ADAM10: variants seen among roughly 807,000 people sequenced by gnomAD.
The protein encoded by ADAM10 is ADAM metallopeptidase domain 10, also known as disintegrin and metalloproteinase domain-containing protein 10.
A neutral mutation model predicts 90.1 loss-of-function variants in ADAM10; 17 were observed. The ratio of observed to expected loss-of-function variants is 0.19; its 90% CI spans 0.13 to 0.28. The LOEUF is 0.28. Ranked by LOEUF, ADAM10 falls within the 10% of genes least tolerant of loss-of-function variation. The pLI is 1.00. For synonymous variants in ADAM10, 310 were observed against 298.6 expected, an observed-to-expected ratio of 1.04 and a Z score of -0.40; for missense variants, 610 against 914.3, an observed-to-expected ratio of 0.67 and a Z score of 4.29.
intron 2 of ADAM10, chr15:58,691,432 C>A: frequency 1.5e-6 from 1 of 670,460 alleles, no homozygotes. Context: ...TCTTTGCACT[C>A]ACCAATGATG....
intron 4 of ADAM10, among the ~76,000 whole-genome samples, chr15:58,677,512 CAAGA>C (rs1897324382): frequency 6.6e-6 from 1 of 151,396 alleles, no homozygotes; most frequent in Admixed American, 6.6e-5. Flanking sequence ...AATTATATTA[CAAGA>C]AAGAAAGAAA....
chr15:58,741,853 T>C (rs868317043), intron 1 of ADAM10, among the ~76,000 whole-genome samples: 4 of 152,324 alleles, frequency 2.6e-5, no homozygotes, highest in Admixed American at 6.5e-5. Flanking sequence ...CTCATAGTTA[T>C]CATGGCCTAG....
At chr15:58,616,341 T>C (rs1398103197) in intron 11 of ADAM10, among the ~76,000 whole-genome samples, 4 of 152,192 alleles carry the variant, frequency 2.6e-5, no homozygotes, top group African/African-American at 7.2e-5. Flanking sequence ...TTCTTTTCAT[T>C]AGCACATGAA....
At chr15:58,742,316 C>T (rs1414145629) in intron 1 of ADAM10, among the ~76,000 whole-genome samples, 2 of 152,124 alleles carry the variant, frequency 1.3e-5, no homozygotes, top group African/African-American at 4.8e-5. Flanking sequence ...GACATAACCC[C>T]ACATTAAGTG....
chr15:58,641,946 A>ATTCTGC (rs1273009615), intron 7 of ADAM10, among the ~76,000 whole-genome samples: 20 of 152,200 alleles, frequency 1.3e-4, no homozygotes. Context: ...AGGCAAAAAC[A>ATTCTGC]CCATTGAGGG....
chr15:58,615,939 C>T (rs1335803264), intron 11 of ADAM10, among the ~76,000 whole-genome samples: 1 of 151,800 alleles, frequency 6.6e-6, no homozygotes, highest in African/African-American at 2.4e-5. Context: ...ACCCGGGAGG[C>T]GCAGGTTGCA....
At chr15:58,649,610 A>C (rs1399942628) in intron 5 of ADAM10, among the ~76,000 whole-genome samples, 1 of 152,206 alleles carries the variant, frequency 6.6e-6, no homozygotes, top group Non-Finnish European at 1.5e-5. Flanking sequence ...GTTTCAGCAT[A>C]TCCTACTGTC....
At chr15:58,652,443 T>C (rs574461257) in intron 5 of ADAM10, among the ~76,000 whole-genome samples, 1 of 152,332 alleles carries the variant, frequency 6.6e-6, no homozygotes, top group East Asian at 1.9e-4. Flanking sequence ...AGGTCTAGTT[T>C]CATTCCTCTG....
chr15:58,739,738 T>C lies in ADAM10; in HGVS notation c.55+9742A>G, dbSNP rs536004884. ...GGGTTCTGATAATATGCTGTACTAA[T>C]TGGAGGAGGTCACTTTCTAATTTTA... is the stretch of plus-strand genomic sequence containing the variant. On this transcript the variant is annotated intron_variant, in intron 1 of 15. Transcript: ENST00000260408. Among the ~76,000 whole-genome samples, 156 of 152,320 alleles carry C rather than the reference T, an allele frequency of 1.0e-3. 1 individual carries two copies. Among genetic ancestry groups the C allele is most frequent in the South Asian group, 2.9e-3 (14 of 4,824 alleles).
At chr15:58,608,891 C>T (rs1207598436) in intron 14 of ADAM10, among the ~76,000 whole-genome samples, 1 of 152,060 alleles carries the variant, frequency 6.6e-6, no homozygotes, top group Non-Finnish European at 1.5e-5. Context: ...TCTAAAATAT[C>T]TAGCACAATA....
chr15:58,726,624 G>C (rs1202513463), intron 1 of ADAM10, among the ~76,000 whole-genome samples: 1 of 135,902 alleles, frequency 7.4e-6, no homozygotes. Context: ...CAAGAAAAGA[G>C]GGGGACAAGA....
At chr15:58,665,008 GA>G (rs1166087576) in intron 5 of ADAM10, 88 bp downstream of exon 5, 1 of 1,087,370 alleles carries the variant, frequency 9.2e-7, no homozygotes, top group African/African-American at 1.6e-5. Flanking sequence ...AAGTCTTTCA[GA>G]AATCCTAGAA....
chr15:58,623,399 C>T (rs542092607), intron 10 of ADAM10, among the ~76,000 whole-genome samples: 1 of 152,184 alleles, frequency 6.6e-6, no homozygotes, highest in Non-Finnish European at 1.5e-5. Flanking sequence ...CAGAGCCAGA[C>T]TGGCCTAGAT....
At chr15:58,745,253 A>C (rs1343738743) in intron 1 of ADAM10, among the ~76,000 whole-genome samples, 1 of 152,232 alleles carries the variant, frequency 6.6e-6, no homozygotes, top group Non-Finnish European at 1.5e-5. Context: ...CTGATCTGCC[A>C]ACAATGTTAG....
At chr15:58,713,138 T>C (rs1898530636) in intron 2 of ADAM10, among the ~76,000 whole-genome samples, 1 of 152,188 alleles carries the variant, frequency 6.6e-6, no homozygotes, top group African/African-American at 2.4e-5. Flanking sequence ...CTCACTCTTG[T>C]CGCCCAAGCT....
At chr15:58,741,176 C>G (rs1170806618) in intron 1 of ADAM10, among the ~76,000 whole-genome samples, 1 of 152,186 alleles carries the variant, frequency 6.6e-6, no homozygotes, top group African/African-American at 2.4e-5. Flanking sequence ...TAAGCAAATT[C>G]TGCTCCACAA....
rs540230480 is a variant in ADAM10, at chr15:58,691,357, T to C, written c.207-9043A>G. On this transcript the variant is annotated intron_variant, in intron 2 of 15. Coordinates refer to ENST00000260408, the MANE Select transcript of ADAM10 (RefSeq NM_001110.4). ...ACACAGTACTCATCAATGGGCTCAC[T>C]CATATATATTACCTCGAAGCCCTTC... is the stretch of plus-strand genomic sequence containing the variant. The C allele has an allele frequency of 1.7e-5, 16 of 963,240 alleles. No homozygotes were observed. In the East Asian group the frequency reaches 3.4e-4, roughly 20 times the overall value. The allele number at this position is 963,240 out of a possible 1,614,324, so 59.7% of individuals were successfully genotyped here. A position where few individuals can be genotyped will look rare whatever the true frequency, so the allele number is the denominator to read the frequency against.
chr15:58,725,093 G>A (rs1334188715), intron 1 of ADAM10, among the ~76,000 whole-genome samples: 2 of 152,112 alleles, frequency 1.3e-5, no homozygotes, highest in African/African-American at 4.8e-5. Flanking sequence ...AGAGGCTGAG[G>A]TAGGAGGATT....
chr15:58,723,789 T>C (rs534423787), intron 1 of ADAM10, among the ~76,000 whole-genome samples: 2 of 150,880 alleles, frequency 1.3e-5, no homozygotes, highest in South Asian at 2.1e-4. Flanking sequence ...CACACAACCA[T>C]GAACATAACA....
Sources: gnomAD v4.1 joint callset for allele counts (sites outside exome capture counted in the v4.1 genomes callset) on GRCh38, gnomAD v4.1.1 for gene constraint, MANE v1.5 for transcripts, NCBI Gene and HGNC (gene_info 2026-07-23, HGNC 2026-07-21) for gene names.